The following PHF24 variants were observed in gnomAD, a reference collection of about 807,000 sequenced individuals.
PHF24 encodes the protein PHD finger protein 24, also known as Galpha inhibitory interacting protein.
In PHF24, 25 loss-of-function variants were observed where a neutral mutation model predicts 42.6. The ratio of observed to expected loss-of-function variants is 0.59; its 90% confidence interval spans 0.43 to 0.82. The LOEUF (loss-of-function observed/expected upper bound fraction) is 0.82. Among genes scored for constraint, PHF24 ranks in the 40% least tolerant of loss-of-function variants. The probability of loss-of-function intolerance (pLI) is 0.00; values close to 1 mark genes in which losing one functional copy is unlikely to be tolerated. For synonymous variants in PHF24, 185 were observed against 204.8 expected (o/e 0.90, Z 0.83); for missense variants, 470 against 538.1 (o/e 0.87, Z 1.25).
At chr9:34,823,908 C>A in the PHF24 span, among the ~76,000 whole-genome samples, 1 of 152,170 alleles carries the variant, frequency 6.6e-6, no homozygotes, top group Non-Finnish European at 1.5e-5. Context: ...AGGAACTGTG[C>A]TTATTCACAT....
At chr9:34,767,437 G>A in the PHF24 span, among the ~76,000 whole-genome samples, 2 of 152,236 alleles carry the variant, frequency 1.3e-5, no homozygotes, top group African/African-American at 4.8e-5. Flanking sequence ...CCTCGCTGCT[G>A]CCTTGCAGTT....
the PHF24 span, chr9:34,728,201 G>A: frequency 5.5e-4 from 458 of 825,966 alleles, no homozygotes; most frequent in Admixed American, 8.5e-4. Flanking sequence ...TGAAAAGTCC[G>A]TACTCTAAGG....
At chr9:34,674,808 C>T in the PHF24 span, among the ~76,000 whole-genome samples, 1 of 152,132 alleles carries the variant, frequency 6.6e-6, no homozygotes, top group Non-Finnish European at 1.5e-5. Context: ...TGGGTAGAGA[C>T]ACGTAGGTGG....
the PHF24 span, chr9:34,832,623 T>A: frequency 6.5e-7 from 1 of 1,541,804 alleles, no homozygotes; most frequent in East Asian, 2.4e-5. Flanking sequence ...CCCTTTGCCT[T>A]TTGTCTTGGG....
At chr9:34,946,313 T>C in the PHF24 span, among the ~76,000 whole-genome samples, 1 of 152,224 alleles carries the variant, frequency 6.6e-6, no homozygotes, top group Middle Eastern at 3.2e-3. Flanking sequence ...AGAAGCTACC[T>C]CCTTAATGTC....
the PHF24 span, among the ~76,000 whole-genome samples, chr9:34,763,711 C>T: frequency 6.6e-6 from 1 of 151,964 alleles, no homozygotes; most frequent in Admixed American, 6.6e-5. Flanking sequence ...CCTAATTGCC[C>T]TGGCCAGAAC....
the PHF24 span, among the ~76,000 whole-genome samples, chr9:34,869,834 A>G: frequency 3.3e-5 from 5 of 151,940 alleles, no homozygotes; most frequent in Non-Finnish European, 7.4e-5. Context: ...CCACTTTTTG[A>G]GGTTCTTTTT....
At chr9:34,889,556 A>T in the PHF24 span, 3 of 398,544 alleles carry the variant, frequency 7.5e-6, no homozygotes, top group Admixed American at 1.3e-4. Flanking sequence ...TGGATTCCTC[A>T]TGCCTTCGAT....
the PHF24 span, among the ~76,000 whole-genome samples, chr9:34,797,927 C>T: frequency 1.3e-5 from 2 of 152,296 alleles, no homozygotes; most frequent in African/African-American, 4.8e-5. Context: ...CTTCCTTTCC[C>T]AGCACTTCCC....
the PHF24 span, among the ~76,000 whole-genome samples, chr9:34,768,118 T>C: frequency 1.3e-5 from 2 of 152,216 alleles, no homozygotes; most frequent in East Asian, 3.8e-4. Context: ...CTCATGCGCA[T>C]ACTACATTAT....
the PHF24 span, among the ~76,000 whole-genome samples, chr9:34,891,905 T>C: frequency 6.6e-6 from 1 of 152,138 alleles, no homozygotes; most frequent in African/African-American, 2.4e-5. Context: ...GAGTCAGATA[T>C]AGGACATTGA....
At chr9:34,861,058 A>G in the PHF24 span, among the ~76,000 whole-genome samples, 1 of 152,202 alleles carries the variant, frequency 6.6e-6, no homozygotes, top group Non-Finnish European at 1.5e-5. Context: ...AAGTAGGTGG[A>G]GTTTTCAGAG....
chr9:34,688,387 A>T, the PHF24 span, among the ~76,000 whole-genome samples: 1 of 152,188 alleles, frequency 6.6e-6, no homozygotes, highest in Non-Finnish European at 1.5e-5. Context: ...CACTCTGTAC[A>T]GAGAAGCCCT....
the PHF24 span, among the ~76,000 whole-genome samples, chr9:34,732,414 G>A: frequency 6.6e-6 from 1 of 152,098 alleles, no homozygotes; most frequent in Non-Finnish European, 1.5e-5. Flanking sequence ...TTTGAGAAAT[G>A]TCTTCTTTTG....
the PHF24 span, among the ~76,000 whole-genome samples, chr9:34,784,934 GT>G: frequency 2.6e-5 from 4 of 152,170 alleles, no homozygotes; most frequent in African/African-American, 9.7e-5. Context: ...TTTCACAAGT[GT>G]TTGGTTTTAA....
intron 1 of PHF24, 121 bp from the exon 2 acceptor site, chr9:34,971,174 C>G: frequency 9.8e-7 from 1 of 1,018,878 alleles, no homozygotes; most frequent in Non-Finnish European, 1.4e-6. Context: ...TGTCTCCACC[C>G]CCACCATGTT....
intron 2 of PHF24, 127 bp from the exon 3 acceptor site, chr9:34,972,219 T>C (rs1255017106): frequency 2.9e-5 from 23 of 787,670 alleles, no homozygotes; most frequent in South Asian, 6.4e-5. Context: ...ATGGCTTCAG[T>C]TGGGGCTGTT....
chr9:34,874,104 A>G, the PHF24 span, among the ~76,000 whole-genome samples: 1,321 of 152,222 alleles, frequency 8.7e-3, 13 homozygotes, highest in Middle Eastern at 0.031. Flanking sequence ...GGCTGAGACA[A>G]TGGGGTTTTC....
At chr9:34,806,729 C>A in the PHF24 span, among the ~76,000 whole-genome samples, 1 of 152,238 alleles carries the variant, frequency 6.6e-6, no homozygotes, top group African/African-American at 2.4e-5. Context: ...AAAGTGCTGG[C>A]ATTACAGGCA....
Sources: gnomAD v4.1 joint callset for allele counts (sites outside exome capture counted in the v4.1 genomes callset) on GRCh38, gnomAD v4.1.1 for gene constraint, MANE v1.5 for transcripts, NCBI Gene and HGNC (gene_info 2026-07-23, HGNC 2026-07-21) for gene names.